The following PLCH1 variants were observed in gnomAD, a reference collection of about 807,000 sequenced individuals.
PLCH1 encodes the protein phospholipase C eta 1.
Under a neutral mutation model 126.7 loss-of-function variants are expected in PLCH1, and 60 were observed. That is an observed-to-expected ratio of 0.47 (90% CI 0.38 to 0.59). PLCH1 has a LOEUF of 0.59. Among genes scored for constraint, PLCH1 ranks in the 20% least tolerant of loss-of-function variants. The probability of loss-of-function intolerance (pLI) is 0.00; values close to 1 mark genes in which losing one functional copy is unlikely to be tolerated. For synonymous variants in PLCH1, 719 were observed against 734.9 expected, an observed-to-expected ratio of 0.98 and a Z score of 0.35; for missense variants, 1,723 against 2,040.0, an observed-to-expected ratio of 0.84 and a Z score of 2.99.
At chr3:155,588,322 G>C (rs952285642) in intron 4 of PLCH1, among the ~76,000 whole-genome samples, 1 of 152,058 alleles carries the variant, frequency 6.6e-6, no homozygotes, top group Non-Finnish European at 1.5e-5. Context: ...CAGATCTGGG[G>C]GGAAAGTAAC....
At chr3:155,715,650 T>C (rs545623233) in intron 1 of PLCH1, among the ~76,000 whole-genome samples, 6 of 150,466 alleles carry the variant, frequency 4.0e-5, no homozygotes, top group Admixed American at 4.0e-4. Flanking sequence ...TAACACTCTG[T>C]TGTCCAGGCT....
At chr3:155,659,608 C>T (rs1741891630) in intron 2 of PLCH1, among the ~76,000 whole-genome samples, 1 of 151,964 alleles carries the variant, frequency 6.6e-6, no homozygotes, top group Non-Finnish European at 1.5e-5. Context: ...AAGCGATTCT[C>T]CTGCCTCAGC....
At chr3:155,639,452 C>A (rs1739137013) in intron 2 of PLCH1, among the ~76,000 whole-genome samples, 1 of 152,034 alleles carries the variant, frequency 6.6e-6, no homozygotes, top group East Asian at 1.9e-4. Context: ...CAGAGCAAAA[C>A]CCTGTCTCAA....
intron 2 of PLCH1, among the ~76,000 whole-genome samples, chr3:155,702,615 T>A (rs947075340): frequency 2.3e-4 from 35 of 151,960 alleles, no homozygotes; most frequent in African/African-American, 8.5e-4. Context: ...ATAGAAAAAA[T>A]TTTAAATGAT....
At chr3:155,715,492 A>C (rs1298308887) in intron 1 of PLCH1, among the ~76,000 whole-genome samples, 1 of 151,998 alleles carries the variant, frequency 6.6e-6, no homozygotes, top group Non-Finnish European at 1.5e-5. Context: ...TTTTGTAGAG[A>C]CAGGATTTCG....
chr3:155,687,604 G>C (rs1268549754), intron 2 of PLCH1, among the ~76,000 whole-genome samples: 1 of 152,042 alleles, frequency 6.6e-6, no homozygotes, highest in Non-Finnish European at 1.5e-5. Context: ...TATAATCAGA[G>C]ACCAAAATAA....
intron 4 of PLCH1, among the ~76,000 whole-genome samples, chr3:155,593,044 A>T (rs1315363046): frequency 6.6e-6 from 1 of 152,190 alleles, no homozygotes; most frequent in East Asian, 1.9e-4. Flanking sequence ...GATTATAGCC[A>T]GAGCAGCACA....
At chr3:155,674,295 C>T (rs1368878169) in intron 2 of PLCH1, among the ~76,000 whole-genome samples, 1 of 152,092 alleles carries the variant, frequency 6.6e-6, no homozygotes, top group Non-Finnish European at 1.5e-5. Flanking sequence ...AATATAGGAG[C>T]AAACATGGGC....
At chr3:155,713,905 A>G (rs1303662730) in intron 1 of PLCH1, among the ~76,000 whole-genome samples, 1 of 152,252 alleles carries the variant, frequency 6.6e-6, no homozygotes, top group Non-Finnish European at 1.5e-5. Flanking sequence ...TTTATTATAA[A>G]TTAAAATAAC....
chr3:155,543,264 A>G (rs1416795756), intron 10 of PLCH1, among the ~76,000 whole-genome samples: 5 of 152,228 alleles, frequency 3.3e-5, no homozygotes, highest in African/African-American at 7.2e-5. Flanking sequence ...GAGCCGATGC[A>G]ATCAATTTGA....
intron 2 of PLCH1, among the ~76,000 whole-genome samples, chr3:155,671,072 C>G (rs1011795571): frequency 1.3e-5 from 2 of 152,174 alleles, no homozygotes; most frequent in Non-Finnish European, 2.9e-5. Flanking sequence ...ATCTTACCAC[C>G]TCTAACAAAG....
chr3:155,742,858 A>T (rs1483133446), intron 1 of PLCH1: 2 of 156,056 alleles, frequency 1.3e-5, no homozygotes, highest in African/African-American at 2.4e-5. Context: ...TGGTGGGAGG[A>T]TATTATCTTA....
rs1269687731 is a variant in PLCH1 at position 155,503,622 on chromosome 3, C to T, written c.1704+933G>A. On this transcript the variant is annotated intron_variant, in intron 13 of 22. Transcript: ENST00000460012. ...GTGCAATCTCGCCTCACTGCAACCT[C>T]TGCCTCCTGGGTTCAAGCAGTTCTC... Among the ~76,000 whole-genome samples, 7 of 151,534 alleles carry T rather than the reference C, an allele frequency of 4.6e-5. No individual in the cohort carries two copies. The East Asian group carries it at 7.8e-4, about 17-fold the overall frequency.
intron 2 of PLCH1, among the ~76,000 whole-genome samples, chr3:155,627,695 T>C (rs551244979): frequency 2.0e-5 from 3 of 151,050 alleles, no homozygotes; most frequent in African/African-American, 7.3e-5. Flanking sequence ...AAATAAATGG[T>C]GGGTTAACCA....
At chr3:155,710,903 TAA>T (rs761254687) in intron 1 of PLCH1, among the ~76,000 whole-genome samples, 1 of 131,650 alleles carries the variant, frequency 7.6e-6, no homozygotes, top group African/African-American at 2.8e-5. Flanking sequence ...TAGAAAAAAC[TAA>T]AAAAAAAAAA....
chr3:155,558,896 G>A (rs1238352581), intron 8 of PLCH1, among the ~76,000 whole-genome samples: 1 of 152,136 alleles, frequency 6.6e-6, no homozygotes, highest in Admixed American at 6.5e-5. Flanking sequence ...TCACAGGACT[G>A]ACAGATATTG....
downstream of PLCH1, among the ~76,000 whole-genome samples, chr3:155,479,494 T>C (rs1263041545): frequency 6.6e-6 from 1 of 152,032 alleles, no homozygotes; most frequent in South Asian, 2.1e-4. Context: ...ATTGCAAAGC[T>C]TCAGACAATT....
At chr3:155,463,598 G>C (rs150621484) in intron 21 of PLCH1, among the ~76,000 whole-genome samples, 10 of 152,206 alleles carry the variant, frequency 6.6e-5, no homozygotes, top group Non-Finnish European at 5.9e-5. Flanking sequence ...CTATGAAGTG[G>C]GGGTAACATC....
chr3:155,512,202 C>T (rs1719672559), intron 12 of PLCH1, among the ~76,000 whole-genome samples: 1 of 152,270 alleles, frequency 6.6e-6, no homozygotes, highest in South Asian at 2.1e-4. Flanking sequence ...GCCTCGCCCT[C>T]CCATTCTCAC....
Sources: allele counts gnomAD v4.1 joint callset (sites outside exome capture counted in the v4.1 genomes callset), GRCh38; gene constraint gnomAD v4.1.1; transcripts MANE v1.5; gene names NCBI Gene and HGNC (gene_info 2026-07-23, HGNC 2026-07-21).